The following COL11A1 variants were observed in gnomAD, a reference collection of about 807,000 sequenced individuals.
COL11A1 encodes the protein collagen type XI alpha 1 chain, also known as collagen alpha-1(XI) chain.
In COL11A1, 74 loss-of-function variants were observed where a neutral mutation model predicts 265.2. That is an observed-to-expected ratio of 0.28 (90% CI 0.23 to 0.34). The LOEUF is 0.34. Ranked by LOEUF, COL11A1 falls within the 10% of genes least tolerant of loss-of-function variation. The pLI is 1.00. For synonymous variants in COL11A1, 816 were observed against 727.6 expected, an observed-to-expected ratio of 1.12 and a Z score of -1.96; for missense variants, 2,165 against 2,263.6, an observed-to-expected ratio of 0.96 and a Z score of 0.88.
chr1:102,935,134 G>C, intron 44 of COL11A1, 21 bp from the exon 45 acceptor site: 2 of 1,606,788 alleles, frequency 1.2e-6, no homozygotes, highest in Non-Finnish European at 1.7e-6. Context: ...ATAAAAATAA[G>C]TAATTTTTAA....
At chr1:103,017,043 A>G (rs2101911150) in intron 11 of COL11A1, among the ~76,000 whole-genome samples, 1 of 152,176 alleles carries the variant, frequency 6.6e-6, no homozygotes, top group South Asian at 2.1e-4. Flanking sequence ...ACTATTACAC[A>G]TAAATGTCTC....
At chr1:102,997,260 C>T (rs1664720529) in intron 25 of COL11A1, 136 bp from the exon 26 acceptor site, 2 of 825,236 alleles carry the variant, frequency 2.4e-6, no homozygotes, top group Non-Finnish European at 4.1e-6. Context: ...ACTTTTGCAT[C>T]AGTGTGTATG....
Position 102,942,565 on chromosome 1 carries a change from G to A in COL11A1, c.3277-2131C>T, listed in dbSNP as rs565463511. Among the ~76,000 whole-genome samples, 410 of 151,616 alleles carry A rather than the reference G, an allele frequency of 2.7e-3. 1 individual carries two copies. The highest frequency in any genetic ancestry group is 4.7e-3 in the Non-Finnish European group (320 of 67,888). On this transcript the variant is annotated intron_variant, in intron 42 of 66. Transcript: ENST00000370096. ...TCACCACTTCTAACATTCCATTTACGTTAATAACTAAATCTTTCCTTAAAA... is the reference window on the plus strand; with the variant it reads ...TCACCACTTCTAACATTCCATTTACATTAATAACTAAATCTTTCCTTAAAA...
intron 14 of COL11A1, among the ~76,000 whole-genome samples, chr1:103,010,985 C>A (rs564624493): frequency 5.9e-5 from 9 of 152,270 alleles, no homozygotes; most frequent in African/African-American, 2.2e-4. Context: ...CAGGTGCGAG[C>A]CACCGCGCCC....
intron 54 of COL11A1, among the ~76,000 whole-genome samples, chr1:102,906,601 G>T (rs989686102): frequency 2.6e-5 from 4 of 151,842 alleles, no homozygotes; most frequent in Non-Finnish European, 5.9e-5. Flanking sequence ...TGAAGATGAG[G>T]GTCTCACTAT....
chr1:102,920,237 C>G, intron 49 of COL11A1, 74 bp downstream of exon 49: 1 of 1,349,514 alleles, frequency 7.4e-7, no homozygotes, highest in Non-Finnish European at 1.1e-6. Context: ...ACTAGAAGCA[C>G]TTAAACTACT....
In COL11A1 at chr1:102,898,932, T is replaced by C. The variant is rs1181948089; in HGVS notation, c.4140+9A>G. On this transcript the variant is annotated intron_variant, in intron 55 of 66. Coordinates refer to ENST00000370096, the MANE Select transcript of COL11A1 (RefSeq NM_001854.4). ...AATATATATTATGTATATATTATTT[T>C]TTTTTTACCTTAGCACCTTTTTCAC... 1.4e-6 allele frequency: 2 copies of C among 1,394,212 alleles called. No individual in the cohort carries two copies. Among genetic ancestry groups the C allele is most frequent in the Non-Finnish European group, 2.0e-6 (2 of 1,024,208 alleles). 86.4% of individuals were successfully genotyped at this position (1,394,212 alleles called of 1,614,324 possible).
At chr1:103,052,506 G>T (rs1433246532) in intron 4 of COL11A1, among the ~76,000 whole-genome samples, 1 of 151,936 alleles carries the variant, frequency 6.6e-6, no homozygotes, top group Non-Finnish European at 1.5e-5. Context: ...TCTAGGTTTA[G>T]TTATTATTCC....
At chr1:103,029,713 C>A (rs974453117) in intron 5 of COL11A1, among the ~76,000 whole-genome samples, 1 of 151,958 alleles carries the variant, frequency 6.6e-6, no homozygotes. Context: ...AGTTTGACAT[C>A]TCAACAGAAT....
chr1:102,898,912 A>G, intron 55 of COL11A1, 29 bp downstream of exon 55: 1 of 1,108,514 alleles, frequency 9.0e-7, no homozygotes. Context: ...TATATAATAT[A>G]TATTATGTAT....
intron 54 of COL11A1, among the ~76,000 whole-genome samples, chr1:102,903,999 C>T (rs1454834427): frequency 6.6e-6 from 1 of 152,056 alleles, no homozygotes; most frequent in Non-Finnish European, 1.5e-5. Flanking sequence ...GTACCTAGGA[C>T]TACAGGCTCA....
At chr1:102,998,685 G>T (rs1302855589) in intron 24 of COL11A1, among the ~76,000 whole-genome samples, 1 of 151,662 alleles carries the variant, frequency 6.6e-6, no homozygotes, top group Non-Finnish European at 1.5e-5. Flanking sequence ...ATATAGGCCA[G>T]AAATATATTG....
chr1:102,955,834 C>T (rs1036124640), intron 41 of COL11A1, among the ~76,000 whole-genome samples: 7 of 152,122 alleles, frequency 4.6e-5, no homozygotes, highest in Admixed American at 1.3e-4. Context: ...GCCTTACTCT[C>T]TTGATGTTCA....
chr1:103,064,356 T>A (rs143624873), intron 4 of COL11A1, among the ~76,000 whole-genome samples: 15 of 152,182 alleles, frequency 9.9e-5, no homozygotes, highest in African/African-American at 3.6e-4. Flanking sequence ...AGTAGAATGT[T>A]ATTCAGCAGT....
In COL11A1 at chr1:102,898,111, A is replaced by G; in HGVS notation, c.4302+14T>C. 6.5e-7 allele frequency: 1 copy of G among 1,546,308 alleles called. No individual in the cohort carries two copies. The highest frequency in any genetic ancestry group is 1.8e-4 in the Middle Eastern group (1 of 5,614). On this transcript the variant is annotated intron_variant, in intron 57 of 66. Coordinates refer to ENST00000370096, the MANE Select transcript of COL11A1 (RefSeq NM_001854.4). ...AATTCTCACTTTTTAAATGACTGAA[A>G]AGATCTTACTCACCATAGGACCAGG... is the stretch of plus-strand genomic sequence containing the variant.
At chr1:103,067,471 G>A (rs1322580189) in intron 4 of COL11A1, among the ~76,000 whole-genome samples, 1 of 151,732 alleles carries the variant, frequency 6.6e-6, no homozygotes, top group African/African-American at 2.4e-5. Context: ...ATTGTGTTAC[G>A]CAGCTAAAAC....
intron 1 of COL11A1, chr1:103,100,557 C>G (rs907939012): frequency 2.0e-5 from 3 of 152,396 alleles, no homozygotes; most frequent in African/African-American, 7.2e-5. Flanking sequence ...TCTAACATCA[C>G]CTTTTACCAG....
chr1:103,027,567 T>C (rs1400136195), intron 5 of COL11A1, among the ~76,000 whole-genome samples: 3 of 151,426 alleles, frequency 2.0e-5, no homozygotes, highest in Non-Finnish European at 4.4e-5. Flanking sequence ...TTAAGTAGTG[T>C]ATTTGATACG....
intron 2 of COL11A1, among the ~76,000 whole-genome samples, chr1:103,081,607 A>G (rs1453005758): frequency 6.6e-6 from 1 of 151,914 alleles, no homozygotes; most frequent in African/African-American, 2.4e-5. Context: ...AAATAAATGT[A>G]TTTCAATATA....
Sources: allele counts gnomAD v4.1 joint callset (sites outside exome capture counted in the v4.1 genomes callset), GRCh38; gene constraint gnomAD v4.1.1; transcripts MANE v1.5; gene names NCBI Gene and HGNC (gene_info 2026-07-23, HGNC 2026-07-21).